Variants in KITLG observed in about 807,000 individuals in gnomAD.
The protein encoded by KITLG is KIT ligand, also known as c-Kit ligand.
In KITLG, 13 loss-of-function variants were observed where a neutral mutation model predicts 34.1. The ratio of observed to expected loss-of-function variants is 0.38; its 90% CI spans 0.25 to 0.61. The LOEUF (loss-of-function observed/expected upper bound fraction) is 0.61, where lower values mean the gene tolerates loss of function less well. KITLG is among the 20% of genes least tolerant of loss of function. KITLG has a pLI of 0.60. For missense variants in KITLG, 292 were observed against 318.9 expected (o/e 0.92, Z 0.64); for synonymous variants, 110 against 104.0 (o/e 1.06, Z -0.35).
rs546366750 is a variant in KITLG at position 88,492,931 on chromosome 12, A to C, written c.*4288T>G. On this transcript the variant is annotated 3_prime_UTR_variant, in exon 10 of 10. Transcript: ENST00000644744. ...ACACATACAGTATATACACATACACATCACATTTTACAACCTTTTTTATTT... is the reference window on the plus strand; with the variant it reads ...ACACATACAGTATATACACATACACCTCACATTTTACAACCTTTTTTATTT... The C allele has an allele frequency of 1.3e-5, 2 of 152,530 alleles. No individual in the cohort carries two copies. Among genetic ancestry groups the C allele is most frequent in the Admixed American group, 1.3e-4 (2 of 15,228 alleles). 9.4% of individuals were successfully genotyped at this position (152,530 alleles called of 1,614,324 possible).
chr12:88,573,109 A>G (rs2120988412), intron 1 of KITLG, among the ~76,000 whole-genome samples: 1 of 152,346 alleles, frequency 6.6e-6, no homozygotes, highest in Non-Finnish European at 1.5e-5. Flanking sequence ...CTGTGTTGCA[A>G]TCCTTGGGTT....
At chr12:88,509,647 G>A (rs1869199211) in intron 6 of KITLG, among the ~76,000 whole-genome samples, 1 of 152,176 alleles carries the variant, frequency 6.6e-6, no homozygotes, top group Non-Finnish European at 1.5e-5. Context: ...GGAGAGGAGG[G>A]TTGGGGGAAG....
intron 1 of KITLG, among the ~76,000 whole-genome samples, chr12:88,575,685 CGT>C (rs1566038731): frequency 6.6e-6 from 1 of 152,112 alleles, no homozygotes; most frequent in African/African-American, 2.4e-5. Flanking sequence ...TGTCTACACA[CGT>C]GACTAAGACC....
chr12:88,570,917 TCTTA>T (rs1236838968), intron 1 of KITLG, among the ~76,000 whole-genome samples: 1 of 152,228 alleles, frequency 6.6e-6, no homozygotes, highest in Non-Finnish European at 1.5e-5. Flanking sequence ...AGTAAGCTGC[TCTTA>T]CTTCTTAAAC....
At chr12:88,500,214 T>C (rs746075365) in intron 9 of KITLG, among the ~76,000 whole-genome samples, 4 of 152,218 alleles carry the variant, frequency 2.6e-5, no homozygotes, top group Non-Finnish European at 5.9e-5. Context: ...AGATGCTACC[T>C]CCACCACTTA....
At chr12:88,548,449 A>G (rs1870790294) in intron 1 of KITLG, among the ~76,000 whole-genome samples, 1 of 76,550 alleles carries the variant, frequency 1.3e-5, no homozygotes. Flanking sequence ...GCTAGACTAC[A>G]TCACCAAAAA....
chr12:88,532,945 T>A lies in KITLG; in HGVS notation c.130-442A>T, dbSNP rs77520861. Among the ~76,000 whole-genome samples the A allele has an allele frequency of 1.2e-3, 177 of 152,270 alleles. 3 individuals are homozygous for A. The highest frequency in any genetic ancestry group is 9.7e-3 in the East Asian group (50 of 5,170). On this transcript the variant is annotated intron_variant, in intron 2 of 9. Coordinates refer to ENST00000644744, the MANE Select transcript of KITLG (RefSeq NM_000899.5). Reference sequence around the variant, plus strand: ...ATAGGGAATCTGTCAGAAATGCATATTCTCAGGCCATACCAGAGCTACTGA... The same window carrying A: ...ATAGGGAATCTGTCAGAAATGCATAATCTCAGGCCATACCAGAGCTACTGA...
chr12:88,565,380 A>T (rs1242827781), intron 1 of KITLG, among the ~76,000 whole-genome samples: 1 of 152,262 alleles, frequency 6.6e-6, no homozygotes, highest in East Asian at 1.9e-4. Context: ...TAATCCCAGC[A>T]CTCTGGGAGG....
chr12:88,564,333 G>A (rs7298765), intron 1 of KITLG: 100,081 of 151,954 alleles, frequency 0.66, 36,683 homozygotes, highest in Middle Eastern at 0.86. Flanking sequence ...TCTTTTCAAA[G>A]CAGCTGCTTT....
chr12:88,525,308 A>T (rs1439341527), intron 3 of KITLG, among the ~76,000 whole-genome samples: 3 of 152,196 alleles, frequency 2.0e-5, no homozygotes. Flanking sequence ...GTGTCCTTAT[A>T]ATAATGGGAC....
At chr12:88,518,023 T>C (rs1869515137) in intron 4 of KITLG, among the ~76,000 whole-genome samples, 2 of 152,160 alleles carry the variant, frequency 1.3e-5, no homozygotes, top group South Asian at 4.1e-4. Context: ...TATTAATATT[T>C]ATTTTGCTAG....
Position 88,539,884 on chromosome 12 carries a change from C to T in KITLG, c.129+5868G>A, listed in dbSNP as rs200642272. Among the ~76,000 whole-genome samples, 4 of 152,072 alleles carry T rather than the reference C, an allele frequency of 2.6e-5. No individual in the cohort carries two copies. The East Asian group carries it at 7.8e-4, about 29-fold the overall frequency. ...AGGCTCCAGTGAGCCATGATTGCAC[C>T]ACTGTACCCCAGACTGGGTGATAGA... is the stretch of plus-strand genomic sequence containing the variant. On this transcript the variant is annotated intron_variant, in intron 2 of 9. Transcript: ENST00000644744.
chr12:88,566,786 G>A (rs951839026), intron 1 of KITLG, among the ~76,000 whole-genome samples: 1 of 152,184 alleles, frequency 6.6e-6, no homozygotes, highest in Non-Finnish European at 1.5e-5. Flanking sequence ...CCAGGGTAAT[G>A]ACACAGTCAG....
At chr12:88,559,020 GAACT>G (rs944610544) in intron 1 of KITLG, among the ~76,000 whole-genome samples, 11 of 152,034 alleles carry the variant, frequency 7.2e-5, no homozygotes, top group African/African-American at 2.2e-4. Context: ...CACCACTAAA[GAACT>G]TACTCATGTA....
At chr12:88,539,438 G>A (rs954501997) in intron 2 of KITLG, among the ~76,000 whole-genome samples, 7 of 152,158 alleles carry the variant, frequency 4.6e-5, no homozygotes, top group Non-Finnish European at 8.8e-5. Context: ...GTTCACTCAG[G>A]TACAGTAGCT....
rs531593195 is a variant in KITLG at position 88,515,856 on chromosome 12, C to A, written c.521-239G>T. On this transcript the variant is annotated intron_variant, in intron 5 of 9. Coordinates refer to ENST00000644744, the MANE Select transcript of KITLG (RefSeq NM_000899.5). ...ATATGTTAATAAATACAAATAATGA[C>A]ACATTGATGGTAATTTCTCATTAAA... 1.5e-4 allele frequency among the ~76,000 whole-genome samples: 23 copies of A among 151,476 alleles called. 1 individual carries two copies. In the East Asian group the frequency reaches 2.5e-3, roughly 17 times the overall value.
chr12:88,562,862 G>A (rs1871339739), intron 1 of KITLG, among the ~76,000 whole-genome samples: 1 of 152,080 alleles, frequency 6.6e-6, no homozygotes, highest in African/African-American at 2.4e-5. Context: ...GGGCTGACCT[G>A]GCTATAAAAT....
chr12:88,539,106 C>CA (rs1276697914), intron 2 of KITLG, among the ~76,000 whole-genome samples: 1 of 152,078 alleles, frequency 6.6e-6, no homozygotes, highest in Non-Finnish European at 1.5e-5. Context: ...AAAAATAACT[C>CA]AAAGTCAGAA....
At chr12:88,542,779 T>A (rs771323599) in intron 2 of KITLG, among the ~76,000 whole-genome samples, 3 of 152,112 alleles carry the variant, frequency 2.0e-5, no homozygotes, top group Non-Finnish European at 4.4e-5. Flanking sequence ...AGATTCGGTA[T>A]AGTGATGCCC....
Sources: gnomAD v4.1 joint callset for allele counts (sites outside exome capture counted in the v4.1 genomes callset) on GRCh38, gnomAD v4.1.1 for gene constraint, MANE v1.5 for transcripts, NCBI Gene and HGNC (gene_info 2026-07-23, HGNC 2026-07-21) for gene names.